Variants in ZNF565 observed in about 807,000 individuals in gnomAD.
ZNF565 encodes the protein zinc finger protein 565.
Under a neutral mutation model 39.4 loss-of-function variants are expected in ZNF565, and 27 were observed. The observed-to-expected ratio is 0.69, with a 90% CI of 0.51 to 0.95. The LOEUF (loss-of-function observed/expected upper bound fraction) is 0.95. Among genes scored for constraint, ZNF565 ranks in the 40% least tolerant of loss-of-function variants. The pLI is 0.00. For synonymous variants in ZNF565, 185 were observed against 216.6 expected (o/e 0.85, Z 1.28); for missense variants, 524 against 621.1 (o/e 0.84, Z 1.66).
At position 36,245,510 on chromosome 19, in the gene ZNF565, T is replaced by C. The variant is rs1175916377; in HGVS notation, c.21A>G (p.Glu7=). 1.4e-6 allele frequency: 1 copy of C among 701,986 alleles called. No homozygotes were observed. The highest frequency in any genetic ancestry group is 2.6e-6 in the Non-Finnish European group (1 of 384,744). 43.5% of individuals were successfully genotyped at this position (701,986 alleles called of 1,614,324 possible). ...GGCGGTGACTTGCGAGGGACCACCT[T>C]TCCCAGGGTCCACGGCGCATTTAGG... The change falls in exon 1 of 5, where the codon GAA becomes GAG. Residue 7 remains glutamate (E), a synonymous_variant. Coordinates refer to the ZNF565 transcript ENST00000355114. This position sits in a 1 kb window ranked among gnomAD's most constrained non-coding sequence, Gnocchi z 4.4.
intron 1 of ZNF565, among the ~76,000 whole-genome samples, chr19:36,219,965 T>C (rs890620598): frequency 6.6e-6 from 1 of 152,228 alleles, no homozygotes; most frequent in African/African-American, 2.4e-5. Flanking sequence ...AACATCATCC[T>C]AAAGTTGTGT....
intron 1 of ZNF565, among the ~76,000 whole-genome samples, chr19:36,222,570 C>T (rs1976893127): frequency 6.6e-6 from 1 of 152,124 alleles, no homozygotes; most frequent in South Asian, 2.1e-4. Flanking sequence ...TCGCTAGGGA[C>T]ATAAGAGACA....
At chr19:36,195,231 C>A in intron 2 of ZNF565, 75 bp from the exon 3 acceptor site, 1 of 1,545,084 alleles carries the variant, frequency 6.5e-7, no homozygotes. Flanking sequence ...TCAAGATGCA[C>A]AAAAGTACAG....
upstream of ZNF565, among the ~76,000 whole-genome samples, chr19:36,215,524 C>T (rs1206458750): frequency 6.6e-6 from 1 of 152,052 alleles, no homozygotes; most frequent in Non-Finnish European, 1.5e-5. Flanking sequence ...ATAATTATAA[C>T]GGTGCCATCT....
chr19:36,217,055 CTTTTTTTTT>C (rs752632008), upstream of ZNF565, among the ~76,000 whole-genome samples: 3 of 65,878 alleles, frequency 4.6e-5, no homozygotes, highest in Admixed American at 2.3e-4. Context: ...CAGTCCCTGT[CTTTTTTTTT>C]TTTTTTTTTT....
intron 1 of ZNF565, among the ~76,000 whole-genome samples, chr19:36,207,011 C>T (rs1294839723): frequency 1.3e-5 from 2 of 152,094 alleles, no homozygotes; most frequent in Non-Finnish European, 2.9e-5. Flanking sequence ...AAGTGCACGC[C>T]TTGCACCAGG....
chr19:36,194,469 A>T (rs562824693), intron 3 of ZNF565, 141 bp from the exon 4 acceptor site: 1 of 582,612 alleles, frequency 1.7e-6, no homozygotes, highest in East Asian at 2.9e-5. Flanking sequence ...GCCCAGCAGA[A>T]TGACTTGTTT....
At chr19:36,191,022 A>C (rs1369128428) in intron 4 of ZNF565, among the ~76,000 whole-genome samples, 5 of 150,934 alleles carry the variant, frequency 3.3e-5, no homozygotes, top group African/African-American at 1.2e-4. Flanking sequence ...ACATAAAAAC[A>C]AACTTTTTCT....
chr19:36,208,103 G>A (rs2145358702), intron 1 of ZNF565, among the ~76,000 whole-genome samples: 2 of 152,162 alleles, frequency 1.3e-5, no homozygotes, highest in South Asian at 4.1e-4. Flanking sequence ...GGAAGCTTCA[G>A]AAATAAGAGC....
chr19:36,220,399 C>G (rs1364325607), intron 1 of ZNF565, among the ~76,000 whole-genome samples: 1 of 150,810 alleles, frequency 6.6e-6, no homozygotes, highest in African/African-American at 2.4e-5. Flanking sequence ...GAGTCTTGCT[C>G]TGTCGCCCAG....
intron 4 of ZNF565, among the ~76,000 whole-genome samples, chr19:36,186,345 C>G (rs1227190695): frequency 6.6e-6 from 1 of 152,170 alleles, no homozygotes; most frequent in Non-Finnish European, 1.5e-5. Context: ...GCCCTAAACA[C>G]ACGCCTTTAT....
At chr19:36,237,377 A>G (rs1470465956) in intron 1 of ZNF565, 5 of 1,527,852 alleles carry the variant, frequency 3.3e-6, no homozygotes, top group Middle Eastern at 1.9e-4. Context: ...GCACCTCATC[A>G]TGCCCCAGAA....
At position 36,245,186 on chromosome 19, in the gene ZNF565, A is replaced by G. The variant is rs564865850; in HGVS notation, c.55+290T>C. ...TTGCGCAGAGTCGGGGTCTGTTGCTACGGGTCCCCTGGGCTCCTTTGAATC... is the reference window on the plus strand; with the variant it reads ...TTGCGCAGAGTCGGGGTCTGTTGCTGCGGGTCCCCTGGGCTCCTTTGAATC... On this transcript the variant is annotated intron_variant, in intron 1 of 4. Transcript: ENST00000355114. The surrounding 1 kb of genome is among the most constrained non-coding windows in gnomAD (Gnocchi z 4.4). Among the ~76,000 whole-genome samples the G allele has an allele frequency of 7.0e-4, 107 of 152,236 alleles. No individual in the cohort carries two copies. Among genetic ancestry groups the G allele is most frequent in the Admixed American group, 2.5e-3 (38 of 15,288 alleles).
intron 4 of ZNF565, among the ~76,000 whole-genome samples, chr19:36,188,720 A>AC (rs1975411372): frequency 6.6e-6 from 1 of 151,904 alleles, no homozygotes; most frequent in Admixed American, 6.6e-5. Context: ...TCAAAAAAAA[A>AC]AAAAAACAAA....
chr19:36,206,828 AAAC>A (rs1326600516), intron 1 of ZNF565, among the ~76,000 whole-genome samples: 9 of 152,148 alleles, frequency 5.9e-5, no homozygotes, highest in Non-Finnish European at 8.8e-5. Context: ...ACTCTGTCAC[AAAC>A]AACAACAATA....
chr19:36,236,179 C>A, intron 1 of ZNF565: 1 of 378,224 alleles, frequency 2.6e-6, no homozygotes, highest in Admixed American at 4.3e-5. Context: ...GCAGAAAATT[C>A]ATGCTGGAGA....
intron 1 of ZNF565, among the ~76,000 whole-genome samples, chr19:36,231,665 C>A (rs1485793575): frequency 1.3e-5 from 2 of 152,086 alleles, no homozygotes; most frequent in Non-Finnish European, 2.9e-5. Flanking sequence ...AAATTTTCAT[C>A]CTATTATTTT....
At chr19:36,183,874 C>G in intron 4 of ZNF565, 141 bp from the exon 5 acceptor site, 1 of 702,424 alleles carries the variant, frequency 1.4e-6, no homozygotes, top group East Asian at 2.7e-5. Flanking sequence ...ATCACAAGGT[C>G]GGGAGTTCAC....
chr19:36,186,304 T>C (rs1356441809), intron 4 of ZNF565, among the ~76,000 whole-genome samples: 1 of 152,142 alleles, frequency 6.6e-6, no homozygotes, highest in African/African-American at 2.4e-5. Context: ...CGGCAAAAAC[T>C]CACACTTTCA....
Sources: allele counts gnomAD v4.1 joint callset (sites outside exome capture counted in the v4.1 genomes callset), GRCh38; gene constraint gnomAD v4.1.1; non-coding constraint Gnocchi (gnomAD v3.1); transcripts MANE v1.5; gene names NCBI Gene and HGNC (gene_info 2026-07-23, HGNC 2026-07-21).